Variants in GRB10 observed in about 807,000 individuals in gnomAD.
The protein encoded by GRB10 is growth factor receptor-bound protein 10.
GRB10 carries 20 observed loss-of-function variants against 80.9 expected under a neutral mutation model. The ratio of observed to expected loss-of-function variants is 0.25; its 90% CI spans 0.17 to 0.36. The LOEUF (loss-of-function observed/expected upper bound fraction) is 0.36. Among genes scored for constraint, GRB10 ranks in the 10% least tolerant of loss-of-function variants. GRB10 has a pLI of 1.00. For missense variants in GRB10, 548 were observed against 747.7 expected, an observed-to-expected ratio of 0.73 and a Z score of 3.12; for synonymous variants, 291 against 291.5, an observed-to-expected ratio of 1.00 and a Z score of 0.02.
chr7:50,604,123 G>GC, intron 16 of GRB10, 38 bp from the exon 17 acceptor site: 1 of 1,542,874 alleles, frequency 6.5e-7, no homozygotes, highest in Non-Finnish European at 9.0e-7. Context: ...GGATGGTGGT[G>GC]CCTCTGCAGA....
chr7:50,682,240 T>A (rs2061621981), intron 5 of GRB10, among the ~76,000 whole-genome samples: 2 of 152,248 alleles, frequency 1.3e-5, no homozygotes, highest in South Asian at 4.1e-4. Flanking sequence ...CTGACCCCTT[T>A]GTCCAGAGTG....
At chr7:50,740,452 T>C (rs1167690672) in intron 3 of GRB10, among the ~76,000 whole-genome samples, 1 of 152,252 alleles carries the variant, frequency 6.6e-6, no homozygotes, top group Non-Finnish European at 1.5e-5. Flanking sequence ...ATGATTGGGT[T>C]AAATAATAAA....
At chr7:50,669,583 T>A (rs2060153258) in intron 7 of GRB10, 139 bp downstream of exon 7, 1 of 827,750 alleles carries the variant, frequency 1.2e-6, no homozygotes, top group Non-Finnish European at 2.0e-6. Flanking sequence ...ACAAGTACTG[T>A]GACAACAAGA....
In GRB10 at chr7:50,605,048, T is replaced by A. The variant is rs533650264; in HGVS notation, c.1389+242A>T. Reference sequence around the variant, plus strand: ...AGGAGCCACGGAGGGCAGAGAACTCTGTTCCTCTCCTGTCCCTTCCATGAA... The same window carrying A: ...AGGAGCCACGGAGGGCAGAGAACTCAGTTCCTCTCCTGTCCCTTCCATGAA... On this transcript the variant is annotated intron_variant, in intron 15 of 18. Transcript: ENST00000401949. 5.4e-6 allele frequency: 3 copies of A among 558,230 alleles called. No individual in the cohort carries two copies. In the South Asian group the frequency reaches 6.4e-5, roughly 12 times the overall value. 34.6% of individuals were successfully genotyped at this position (558,230 alleles called of 1,614,324 possible). A position where few individuals can be genotyped will look rare whatever the true frequency, so the allele number is the denominator to read the frequency against.
chr7:50,700,654 A>G (rs1587082872), intron 5 of GRB10, among the ~76,000 whole-genome samples: 2 of 152,112 alleles, frequency 1.3e-5, no homozygotes, highest in Non-Finnish European at 2.9e-5. Flanking sequence ...CACCTGTACT[A>G]TGTTCACTTT....
intron 2 of GRB10, among the ~76,000 whole-genome samples, chr7:50,780,006 A>G (rs1308920476): frequency 6.6e-6 from 1 of 152,114 alleles, no homozygotes; most frequent in Non-Finnish European, 1.5e-5. Flanking sequence ...AAAGAAGCAA[A>G]CGGGGCCAAT....
At chr7:50,739,443 T>C (rs760552018) in intron 3 of GRB10, among the ~76,000 whole-genome samples, 34 of 152,156 alleles carry the variant, frequency 2.2e-4, no homozygotes, top group Admixed American at 2.6e-4. Context: ...AATAGACATC[T>C]TCTAACCCAA....
intron 17 of GRB10, among the ~76,000 whole-genome samples, chr7:50,602,845 C>T (rs575090381): frequency 6.6e-6 from 1 of 151,770 alleles, no homozygotes; most frequent in African/African-American, 2.4e-5. Context: ...TAGAGACAGG[C>T]ATTGAGATGT....
At chr7:50,671,465 A>C (rs557070602) in intron 6 of GRB10, among the ~76,000 whole-genome samples, 1 of 152,374 alleles carries the variant, frequency 6.6e-6, no homozygotes, top group South Asian at 2.1e-4. Flanking sequence ...TAGACCAGCA[A>C]ATGATGCATG....
At chr7:50,732,225 C>T (rs746405672) in intron 4 of GRB10, 47 bp downstream of exon 4, 6 of 1,588,558 alleles carry the variant, frequency 3.8e-6, no homozygotes, top group Admixed American at 3.3e-5. Flanking sequence ...CCCTGGCCCT[C>T]GACCAGCACC....
At chr7:50,721,575 C>T (rs952856831) in intron 4 of GRB10, among the ~76,000 whole-genome samples, 16 of 152,270 alleles carry the variant, frequency 1.1e-4, no homozygotes, top group African/African-American at 3.9e-4. Flanking sequence ...TCTTGCTCTG[C>T]TGGCCCAAGC....
At chr7:50,663,353 G>A (rs538592275) in intron 7 of GRB10, among the ~76,000 whole-genome samples, 14 of 152,306 alleles carry the variant, frequency 9.2e-5, no homozygotes, top group Non-Finnish European at 1.5e-4. Flanking sequence ...TCCCTCCCAT[G>A]TGTGTGCTGT....
intron 5 of GRB10, among the ~76,000 whole-genome samples, chr7:50,699,042 A>G (rs976781023): frequency 5.1e-4 from 77 of 152,344 alleles, no homozygotes; most frequent in African/African-American, 1.8e-3. Context: ...TGTTAATATT[A>G]TAAGTGGGAT....
chr7:50,627,573 C>A (rs990888454), intron 7 of GRB10, among the ~76,000 whole-genome samples: 1 of 152,152 alleles, frequency 6.6e-6, no homozygotes, highest in East Asian at 1.9e-4. Context: ...GATTCTTTAG[C>A]CCCTAACCCC....
At chr7:50,779,580 C>T (rs1323950035) in intron 2 of GRB10, 3 of 152,168 alleles carry the variant, frequency 2.0e-5, no homozygotes, top group East Asian at 1.9e-4. Flanking sequence ...GACAGACTGG[C>T]TCCTCAAACA....
At chr7:50,618,729 C>G (rs922975881) in intron 9 of GRB10, among the ~76,000 whole-genome samples, 11 of 152,236 alleles carry the variant, frequency 7.2e-5, no homozygotes, top group African/African-American at 2.7e-4. Context: ...AAAGAGAGAT[C>G]AAGGTGACCA....
chr7:50,687,349 C>A (rs889064676), intron 5 of GRB10, among the ~76,000 whole-genome samples: 19 of 152,346 alleles, frequency 1.2e-4, no homozygotes, highest in East Asian at 5.8e-4. Flanking sequence ...GGCCTCCCTG[C>A]GACTCCGTAG....
Position 50,606,381 on chromosome 7 carries a change from G to A in GRB10, c.1228C>T (p.Pro410Ser). ...GMLLYQNYRI[P>S]QQRKALLSPF... ...GACAGCAAGGCCTTCCTCTGCTGAG[G>A]GATTCGGTAATTCTGGTAAAGGAGC... The change falls in exon 14 of 19, where the codon CCT (proline) becomes TCT (serine). Residue 410 changes from proline (P) to serine (S), a missense_variant. Physicochemically the swap from Pro to Ser is moderately conservative, Grantham distance 74 (BLOSUM62 -1). Around this residue, in one of 4 missense-constraint regions of GRB10, gnomAD observed 270 missense variants for 433.6 expected, o/e 0.62. Coordinates refer to ENST00000401949, the MANE Select transcript of GRB10 (RefSeq NM_001350814.2). 6.2e-7 allele frequency: 1 copy of A among 1,614,128 alleles called. No homozygotes were observed. The highest frequency in any genetic ancestry group is 1.3e-5 in the African/African-American group (1 of 75,046).
At chr7:50,606,635 C>A (rs2048583151) in intron 13 of GRB10, 2 of 570,978 alleles carry the variant, frequency 3.5e-6, no homozygotes, top group Admixed American at 2.9e-5. Flanking sequence ...TTGACTCCCC[C>A]AAAACTTACC....
Sources: allele counts gnomAD v4.1 joint callset (sites outside exome capture counted in the v4.1 genomes callset), GRCh38; gene constraint gnomAD v4.1.1; regional missense constraint gnomAD v4.1.1; transcripts MANE v1.5; gene names NCBI Gene and HGNC (gene_info 2026-07-23, HGNC 2026-07-21).